The following LBHD1 variants were observed in gnomAD, a reference collection of about 807,000 sequenced individuals.
LBHD1 encodes the protein LBH domain-containing protein 1.
In LBHD1, 28 loss-of-function variants were observed where a neutral mutation model predicts 31.1. The ratio of observed to expected loss-of-function variants is 0.90; its 90% CI spans 0.67 to 1.24. The LOEUF (loss-of-function observed/expected upper bound fraction) is 1.24. Among genes scored for constraint, LBHD1 ranks in the 50% most tolerant of loss-of-function variants. LBHD1 has a pLI of 0.00. For synonymous variants in LBHD1, 105 were observed against 116.5 expected, an observed-to-expected ratio of 0.90 and a Z score of 0.63; for missense variants, 350 against 323.0, an observed-to-expected ratio of 1.08 and a Z score of -0.64.
At position 62,666,576 on chromosome 11, in the gene LBHD1, G is replaced by A. The variant is rs760477963; in HGVS notation, c.538+947C>T. The A allele has an allele frequency of 4.3e-6, 7 of 1,614,056 alleles. No individual in the cohort carries two copies. In the Admixed American group the frequency reaches 6.7e-5, roughly 15 times the overall value. ...AGTCCTCTGCGAGTGCTGGATGTGGGCTGTGGGACTTCCAGCCTATGTACA... is the reference window on the plus strand; with the variant it reads ...AGTCCTCTGCGAGTGCTGGATGTGGACTGTGGGACTTCCAGCCTATGTACA... On this transcript the variant is annotated intron_variant, in intron 4 of 6. Transcript: ENST00000354588.
At chr11:62,665,612 C>G in intron 4 of LBHD1, 3 of 1,556,166 alleles carry the variant, frequency 1.9e-6, no homozygotes, top group Non-Finnish European at 2.6e-6. Flanking sequence ...CTGGCTCCTC[C>G]ATCGGGGTGC....
At chr11:62,668,227 T>A (rs1211479331) in intron 3 of LBHD1, 1 of 155,334 alleles carries the variant, frequency 6.4e-6, no homozygotes, top group Non-Finnish European at 1.4e-5. Flanking sequence ...CTCAAAAGAA[T>A]GTAGCTTCTT....
At chr11:62,666,606 T>G (rs1944820302) in intron 4 of LBHD1, 1 of 1,614,174 alleles carries the variant, frequency 6.2e-7, no homozygotes, top group Non-Finnish European at 8.5e-7. Flanking sequence ...TGTACAGGCC[T>G]CTACACCAAA....
At chr11:62,665,857 GT>G in intron 4 of LBHD1, 5 of 1,610,762 alleles carry the variant, frequency 3.1e-6, no homozygotes, top group Non-Finnish European at 4.2e-6. Flanking sequence ...AGCTTCTCTG[GT>G]CGAACTTACC....
intron 1 of LBHD1, 179 bp downstream of exon 1, chr11:62,671,385 G>T: frequency 7.9e-7 from 1 of 1,269,430 alleles, no homozygotes; most frequent in Non-Finnish European, 1.0e-6. Context: ...CACAGCTCGG[G>T]CCTCTACTGA....
rs150429401 is a variant in LBHD1 at position 62,667,697 on chromosome 11, C to T, written c.364G>A (p.Ala122Thr). ...DPRSPLRTFN[A>T]GLSWGQDQDE... ...TGGTCCTGCCCCCAGCTGAGTCCAG[C>T]GTTAAATGTTCTTAAAGGACTTCTA... is the stretch of plus-strand genomic sequence containing the variant. The change falls in exon 4 of 7, where the codon GCT becomes ACT. Residue 122 changes from alanine (A) to threonine (T), a missense_variant. Ala to Thr is a moderately conservative substitution (Grantham distance 58, BLOSUM62 0). Coordinates refer to ENST00000354588, the MANE Select transcript of LBHD1 (RefSeq NM_024099.5). 1.2e-5 allele frequency: 19 copies of T among 1,614,092 alleles called. No homozygotes were observed. The highest frequency in any genetic ancestry group is 2.2e-5 in the East Asian group (1 of 44,892).
At chr11:62,670,268 C>T in intron 1 of LBHD1, 1 of 520,872 alleles carries the variant, frequency 1.9e-6, no homozygotes, top group Non-Finnish European at 3.3e-6. Context: ...GACAAGGGCA[C>T]CTGGATTAAA....
intron 1 of LBHD1, 102 bp downstream of exon 1, chr11:62,671,462 C>A: frequency 7.5e-7 from 1 of 1,332,768 alleles, no homozygotes; most frequent in South Asian, 1.5e-5. Flanking sequence ...AAGACACGCA[C>A]TCTCCCCCTA....
intron 4 of LBHD1, chr11:62,666,233 G>A (rs766875189): frequency 2.1e-5 from 17 of 791,740 alleles, no homozygotes; most frequent in Non-Finnish European, 2.3e-5. Flanking sequence ...CTACTCAGGA[G>A]GCTGAGGTGG....
At chr11:62,663,370 C>A in intron 5 of LBHD1, 37 bp from the exon 6 acceptor site, 1 of 1,592,446 alleles carries the variant, frequency 6.3e-7, no homozygotes, top group Non-Finnish European at 8.6e-7. Flanking sequence ...GCTAGGTTAA[C>A]CTGAACCAAC....
intron 4 of LBHD1, 112 bp from the exon 5 acceptor site, chr11:62,665,085 C>A: frequency 6.8e-7 from 1 of 1,475,464 alleles, no homozygotes; most frequent in Non-Finnish European, 9.2e-7. Context: ...GATAAAAGGG[C>A]TCAGGAACGC....
At chr11:62,671,291 G>A (rs1225202137) in intron 1 of LBHD1, 2 of 607,262 alleles carry the variant, frequency 3.3e-6, no homozygotes, top group South Asian at 3.0e-5. Flanking sequence ...CAGAGTTGAG[G>A]GGATGGAGAG....
chr11:62,671,886 C>A lies in LBHD1; in HGVS notation c.-333G>T. On this transcript the variant is annotated 5_prime_UTR_variant, in exon 1 of 7. Transcript: ENST00000354588. ...TAAAGGTAGAAGCAACTGGTAGTCC[C>A]GAGGAAGGGTGGGCGGGTGGAGAGC... 1 of 1,613,702 alleles carries A rather than the reference C, an allele frequency of 6.2e-7. No individual in the cohort carries two copies. Among genetic ancestry groups the A allele is most frequent in the Non-Finnish European group, 8.5e-7 (1 of 1,179,774 alleles).
rs892941400 is a variant in LBHD1 at position 62,665,333 on chromosome 11, G to GT, written c.539-361dup. 58 of 754,644 alleles carry GT rather than the reference G, an allele frequency of 7.7e-5. 1 individual carries two copies. Among genetic ancestry groups the GT allele is most frequent in the South Asian group, 1.1e-4 (7 of 62,208 alleles). 46.7% of individuals were successfully genotyped at this position (754,644 alleles called of 1,614,324 possible). A position where few individuals can be genotyped will look rare whatever the true frequency, so the allele number is the denominator to read the frequency against. Reference sequence around the variant, plus strand: ...AGGCCTTTCGGAGGGTGGTGAGCTAGTAAGTGTGGTTTTAGCTGTAGTAGC... The same window carrying GT: ...AGGCCTTTCGGAGGGTGGTGAGCTAGTTAAGTGTGGTTTTAGCTGTAGTAGC... On this transcript the variant is annotated intron_variant, in intron 4 of 6. Transcript: ENST00000354588.
intron 1 of LBHD1, 153 bp from the exon 2 acceptor site, chr11:62,670,194 G>A (rs1010981327): frequency 1.6e-5 from 12 of 749,700 alleles, no homozygotes; most frequent in Admixed American, 3.1e-5. Context: ...ATGCCCAAGA[G>A]GTGAGATAGG....
intron 4 of LBHD1, chr11:62,666,639 T>C: frequency 6.2e-7 from 1 of 1,614,168 alleles, no homozygotes; most frequent in Non-Finnish European, 8.5e-7. Flanking sequence ...GTGGATGTGC[T>C]GGGGGTGGAC....
At position 62,667,646 on chromosome 11, in the gene LBHD1, G is replaced by C. The variant is rs547468928; in HGVS notation, c.415C>G (p.Leu139Val). 6.2e-7 allele frequency: 1 copy of C among 1,613,984 alleles called. No homozygotes were observed. The highest frequency in any genetic ancestry group is 1.3e-5 in the African/African-American group (1 of 74,884). ...GCTTCCAGACATGCTGTGTCCTCAA[G>C]AATCCAACAAGCATCTTCTTCATCC... Reference protein sequence around the residue: ...DQDEEDACWILEDTACLEATN... With the variant: ...DQDEEDACWIVEDTACLEATN... Residue 139 changes from leucine (L) to valine (V), a missense_variant, in exon 4 of 7, where the codon CTT becomes GTT. Leu to Val is a conservative substitution (Grantham distance 32). Transcript: ENST00000354588.
chr11:62,666,567 T>C, intron 4 of LBHD1: 1 of 1,614,150 alleles, frequency 6.2e-7, no homozygotes, highest in Non-Finnish European at 8.5e-7. Context: ...CTGCGAGTGC[T>C]GGATGTGGGC....
rs763273870 is a variant in LBHD1, at chr11:62,667,740, AG to A, written c.320del (p.Ala107ValfsTer11). ...FQDQSEEPGW[A>X]WSPQDPRSPL... is the part of the protein sequence containing the mutation. ...GACTTCTAGGGTCCTGTGGGCTCCA[AG>A]CCCAGCCTGGGATGGAGGAAGAGAG... On this transcript the variant is annotated frameshift_variant, in exon 4 of 7. Coordinates refer to ENST00000354588, the MANE Select transcript of LBHD1 (RefSeq NM_024099.5). LOFTEE classifies it high-confidence loss of function. 6.9e-6 allele frequency: 11 copies of A among 1,604,598 alleles called. No individual in the cohort carries two copies. Among genetic ancestry groups the A allele is most frequent in the Middle Eastern group, 1.7e-4 (1 of 6,040 alleles).
Sources: allele counts gnomAD v4.1 joint callset, GRCh38; gene constraint gnomAD v4.1.1; transcripts MANE v1.5; gene names NCBI Gene and HGNC (gene_info 2026-07-23, HGNC 2026-07-21).